MAP7: variants seen among roughly 807,000 people sequenced by gnomAD.
The protein encoded by MAP7 is microtubule associated protein 7.
A neutral mutation model predicts 94.8 loss-of-function variants in MAP7; 52 were observed. The ratio of observed to expected loss-of-function variants is 0.55; its 90% CI spans 0.44 to 0.69. The LOEUF (loss-of-function observed/expected upper bound fraction) is 0.69, where lower values mean the gene tolerates loss of function less well. MAP7 is among the 30% of genes least tolerant of loss of function. The pLI is 0.00. For synonymous variants in MAP7, 350 were observed against 357.0 expected, an observed-to-expected ratio of 0.98 and a Z score of 0.22; for missense variants, 940 against 964.6, an observed-to-expected ratio of 0.97 and a Z score of 0.34.
intron 1 of MAP7, among the ~76,000 whole-genome samples, chr6:136,501,135 T>C (rs187866585): frequency 6.6e-6 from 1 of 152,340 alleles, no homozygotes; most frequent in African/African-American, 2.4e-5. Flanking sequence ...AAACCTGAAA[T>C]GTTTCCCTTA....
chr6:136,517,545 G>A (rs1313546099), intron 1 of MAP7, among the ~76,000 whole-genome samples: 3 of 152,144 alleles, frequency 2.0e-5, no homozygotes, highest in Non-Finnish European at 2.9e-5. Flanking sequence ...AAGTGCTTGT[G>A]TATTCTCTCT....
chr6:136,412,089 G>A (rs1787665125), intron 2 of MAP7, among the ~76,000 whole-genome samples: 1 of 152,216 alleles, frequency 6.6e-6, no homozygotes, highest in Admixed American at 6.5e-5. Flanking sequence ...GAGAGTTAGA[G>A]GTGAAGTGCT....
intron 1 of MAP7, among the ~76,000 whole-genome samples, chr6:136,548,289 C>T (rs893921984): frequency 7.2e-5 from 11 of 151,998 alleles, no homozygotes; most frequent in Admixed American, 1.3e-4. Context: ...TTCAAACAAT[C>T]TCACTTGTTC....
At position 136,348,424 on chromosome 6, in the gene MAP7, A is replaced by G. The variant is rs541566289; in HGVS notation, c.2016-2345T>C. Among the ~76,000 whole-genome samples the G allele has an allele frequency of 9.2e-5, 14 of 152,340 alleles. No homozygotes were observed. The South Asian group carries it at 2.5e-3, about 27-fold the overall frequency. Reference sequence around the variant, plus strand: ...GTTCAGGGGACATCGGGACTGGTAGAAACTATAAAACTGAAACTGAAGTAC... The same window carrying G: ...GTTCAGGGGACATCGGGACTGGTAGGAACTATAAAACTGAAACTGAAGTAC... On this transcript the variant is annotated intron_variant, in intron 16 of 17. Transcript: ENST00000354570.
intron 1 of MAP7, among the ~76,000 whole-genome samples, chr6:136,497,644 C>T (rs939417155): frequency 7.3e-5 from 11 of 151,304 alleles, no homozygotes; most frequent in African/African-American, 2.7e-4. Context: ...ACTAAAAATA[C>T]AAAAATTAGC....
At chr6:136,410,368 G>C (rs1464909575) in intron 3 of MAP7, among the ~76,000 whole-genome samples, 1 of 152,196 alleles carries the variant, frequency 6.6e-6, no homozygotes, top group East Asian at 1.9e-4. Context: ...TCCAGTTTCA[G>C]CAGCTCTGCC....
intron 1 of MAP7, among the ~76,000 whole-genome samples, chr6:136,426,973 A>G (rs1458976566): frequency 7.9e-5 from 12 of 152,260 alleles, no homozygotes; most frequent in Non-Finnish European, 1.8e-4. Flanking sequence ...AGGAAATCAG[A>G]CAAAAACAGA....
chr6:136,549,369 A>C (rs959574557), intron 1 of MAP7, among the ~76,000 whole-genome samples: 1 of 152,170 alleles, frequency 6.6e-6, no homozygotes, highest in Non-Finnish European at 1.5e-5. Context: ...GAAACAGCTT[A>C]CTGGCCAAGA....
chr6:136,491,715 G>T (rs1816671558), intron 1 of MAP7, among the ~76,000 whole-genome samples: 1 of 152,098 alleles, frequency 6.6e-6, no homozygotes, highest in Non-Finnish European at 1.5e-5. Context: ...TGATTGAATG[G>T]AAATCCTAGA....
intron 3 of MAP7, 113 bp downstream of exon 3, chr6:136,411,507 T>A (rs1787437881): frequency 3.7e-6 from 3 of 819,996 alleles, no homozygotes; most frequent in Non-Finnish European, 5.8e-6. Flanking sequence ...TATCATCACA[T>A]ACTAAATTCT....
chr6:136,364,417 G>T (rs1793709813), intron 10 of MAP7: 2 of 341,374 alleles, frequency 5.9e-6, no homozygotes, highest in African/African-American at 4.4e-5. Context: ...AGAAAAGAGA[G>T]TCTGAGGAGT....
At position 136,476,770 on chromosome 6, in the gene MAP7, CAT is replaced by C. The variant is rs149424187; in HGVS notation, c.68-54973_68-54972del. Reference sequence around the variant, plus strand: ...TTTTAGGTGTGTATGTGTATGTATACATGTGTGTGTATATATATACAAATCTG... The same window carrying C: ...TTTTAGGTGTGTATGTGTATGTATACGTGTGTGTATATATATACAAATCTG... On this transcript the variant is annotated intron_variant, in intron 1 of 17. Transcript: ENST00000354570. Among the ~76,000 whole-genome samples the C allele has an allele frequency of 0.012, 1,804 of 152,112 alleles. 78 individuals are homozygous for C. The East Asian group carries it at 0.13, about 11-fold the overall frequency.
chr6:136,506,842 G>C (rs1821668506), intron 1 of MAP7, among the ~76,000 whole-genome samples: 1 of 152,172 alleles, frequency 6.6e-6, no homozygotes. Flanking sequence ...TGTAACAATA[G>C]CTGAGTGTTG....
At chr6:136,348,854 T>A (rs1300797405) in intron 16 of MAP7, among the ~76,000 whole-genome samples, 6 of 150,986 alleles carry the variant, frequency 4.0e-5, no homozygotes, top group Non-Finnish European at 1.5e-5. Context: ...ACTTCTTATT[T>A]AAAAAAAAAG....
rs1554259494 is a variant in MAP7, at chr6:136,456,771, GAA to G, written c.68-34974_68-34973del. Among the ~76,000 whole-genome samples the G allele has an allele frequency of 7.9e-3, 497 of 62,712 alleles. 5 individuals carry two copies. Among genetic ancestry groups the G allele is most frequent in the East Asian group, 0.015 (43 of 2,840 alleles). 41.1% of individuals were successfully genotyped at this position (62,712 alleles called of 152,430 possible). On this transcript the variant is annotated intron_variant, in intron 1 of 17. Transcript: ENST00000354570. ...GGAGGAGGAGGAGGAGGAGGAGGAAGAAGAAGAAGAAGAAGAAGAAGAAGAAG... is the reference window on the plus strand; with the variant it reads ...GGAGGAGGAGGAGGAGGAGGAGGAAGGAAGAAGAAGAAGAAGAAGAAGAAG...
chr6:136,363,702 A>G (rs1407524516), intron 10 of MAP7, among the ~76,000 whole-genome samples: 2 of 152,194 alleles, frequency 1.3e-5, no homozygotes, highest in Non-Finnish European at 2.9e-5. Flanking sequence ...GCATCTGGCT[A>G]GCCTGGCAGA....
At chr6:136,418,509 C>G (rs1790254451) in intron 2 of MAP7, among the ~76,000 whole-genome samples, 1 of 152,212 alleles carries the variant, frequency 6.6e-6, no homozygotes, top group Admixed American at 6.5e-5. Context: ...GCCACCGGCG[C>G]CTGGCCAGCC....
At chr6:136,526,437 T>A (rs1463891494) in intron 1 of MAP7, 1 of 987,092 alleles carries the variant, frequency 1.0e-6, no homozygotes, top group Non-Finnish European at 1.2e-6. Context: ...CACAGTAAAA[T>A]ATTCAGCCCA....
chr6:136,471,457 A>C (rs1327779224), intron 1 of MAP7, among the ~76,000 whole-genome samples: 1 of 152,162 alleles, frequency 6.6e-6, no homozygotes, highest in Non-Finnish European at 1.5e-5. Context: ...CTCGGGTTTT[A>C]CTTTCCTTTT....
Sources: allele counts gnomAD v4.1 joint callset (sites outside exome capture counted in the v4.1 genomes callset), GRCh38; gene constraint gnomAD v4.1.1; transcripts MANE v1.5; gene names NCBI Gene and HGNC (gene_info 2026-07-23, HGNC 2026-07-21).